The following MAST4 variants were observed in gnomAD, a reference collection of about 807,000 sequenced individuals.
The protein encoded by MAST4 is microtubule associated serine/threonine kinase family member 4.
MAST4 carries 89 observed loss-of-function variants against 162.7 expected under a neutral mutation model. The ratio of observed to expected loss-of-function variants is 0.55; its 90% confidence interval spans 0.46 to 0.65. The LOEUF is 0.65. Ranked by LOEUF, MAST4 falls within the 30% of genes least tolerant of loss-of-function variation. The pLI is 0.00. For synonymous variants in MAST4, 1,479 were observed against 1,361.1 expected, an observed-to-expected ratio of 1.09 and a Z score of -1.91; for missense variants, 3,153 against 3,374.0, an observed-to-expected ratio of 0.93 and a Z score of 1.62.
At chr5:66,861,347 A>G (rs1760104348) in intron 3 of MAST4, among the ~76,000 whole-genome samples, 1 of 152,246 alleles carries the variant, frequency 6.6e-6, no homozygotes, top group Admixed American at 6.5e-5. Context: ...TCTTTGTGCC[A>G]CTAATAACCA....
intron 6 of MAST4, 102 bp downstream of exon 6, chr5:67,090,333 A>ACTTCTCCCCGTCCCCC (rs1763699906): frequency 2.1e-6 from 1 of 465,680 alleles, no homozygotes; most frequent in African/African-American, 6.0e-5. Flanking sequence ...TCCCGTCCCC[A>ACTTCTCCCCGTCCCCC]CTTCTCCCCC....
intron 7 of MAST4, among the ~76,000 whole-genome samples, chr5:67,099,242 G>A (rs1180241997): frequency 6.6e-6 from 1 of 151,852 alleles, no homozygotes; most frequent in Non-Finnish European, 1.5e-5. Flanking sequence ...TTAGTGAGAA[G>A]TGTTTAAGGC....
chr5:67,080,976 TAA>T (rs1491210095), intron 5 of MAST4, among the ~76,000 whole-genome samples: 3 of 134,534 alleles, frequency 2.2e-5, no homozygotes, highest in South Asian at 2.2e-4. Flanking sequence ...ATATATTATA[TAA>T]TATATATAAT....
rs1219980068 is a variant in MAST4, at chr5:67,163,485, C to A, written c.4306C>A (p.Pro1436Thr). The A allele has an allele frequency of 1.2e-5, 19 of 1,613,192 alleles. No individual in the cohort carries two copies. The highest frequency in any genetic ancestry group is 1.6e-5 in the Non-Finnish European group (19 of 1,179,780). ...HIVRPKSAEP[P>T]RSPLLKRVQS... ...CGTGAGGCCCAAGAGTGCGGAGCCC[C>A]CCAGGTCCCCGCTGCTCAAGCGCGT... is the stretch of plus-strand genomic sequence containing the variant. Residue 1436 changes from proline to threonine, a missense_variant, in exon 29 of 29, where the codon CCC (proline) becomes ACC (threonine). Pro to Thr is a conservative substitution (Grantham distance 38, BLOSUM62 -1). Transcript: ENST00000403625. This position sits in a 1 kb window ranked among gnomAD's most constrained non-coding sequence, Gnocchi z 7.0.
intron 5 of MAST4, among the ~76,000 whole-genome samples, chr5:67,059,179 C>T (rs1184889085): frequency 1.3e-5 from 2 of 152,180 alleles, no homozygotes; most frequent in Non-Finnish European, 2.9e-5. Flanking sequence ...CTTTTCAGCT[C>T]CTAGAGGCTG....
intron 4 of MAST4, chr5:67,001,436 A>T (rs1024648382): frequency 6.7e-6 from 1 of 150,104 alleles, no homozygotes; most frequent in African/African-American, 2.5e-5. Context: ...AATCCTCTCA[A>T]GCCTTTTAAA....
chr5:66,758,967 G>A (rs1400128321), intron 1 of MAST4, among the ~76,000 whole-genome samples: 1 of 152,112 alleles, frequency 6.6e-6, no homozygotes, highest in Non-Finnish European at 1.5e-5. Context: ...AGATGGTATG[G>A]CTCTATTAAG....
chr5:66,976,818 C>T (rs186335074), intron 4 of MAST4, among the ~76,000 whole-genome samples: 4 of 152,270 alleles, frequency 2.6e-5, no homozygotes, highest in African/African-American at 9.6e-5. Context: ...TGTGGGCTTC[C>T]TATTTAGCTC....
chr5:66,910,495 T>C (rs1228642012), intron 4 of MAST4, among the ~76,000 whole-genome samples: 2 of 152,136 alleles, frequency 1.3e-5, no homozygotes, highest in Non-Finnish European at 2.9e-5. Context: ...AGGTAGGACT[T>C]CTCTTGTGTC....
intron 4 of MAST4, among the ~76,000 whole-genome samples, chr5:67,049,023 G>GTGTATATATATACACATA (rs1554087405): frequency 2.3e-5 from 2 of 85,662 alleles, no homozygotes; most frequent in Non-Finnish European, 4.7e-5. Context: ...ATATATATAC[G>GTGTATATATATACACATA]TATATATATA....
At chr5:66,697,876 A>T (rs1438055023) in intron 1 of MAST4, among the ~76,000 whole-genome samples, 1 of 152,196 alleles carries the variant, frequency 6.6e-6, no homozygotes, top group South Asian at 2.1e-4. Context: ...AACATTTATG[A>T]GTACAAAGGG....
In MAST4 at chr5:66,703,777, G is replaced by A. The variant is rs76483124; in HGVS notation, c.364-55932G>A. Reference sequence around the variant, plus strand: ...GAAATAGTCATTAAGCTAGTATACAGGAGATCAAATCAGGAGGAAAGAAGT... The same window carrying A: ...GAAATAGTCATTAAGCTAGTATACAAGAGATCAAATCAGGAGGAAAGAAGT... On this transcript the variant is annotated intron_variant, in intron 1 of 28. Coordinates refer to ENST00000403625, the MANE Select transcript of MAST4 (RefSeq NM_001164664.2). Among the ~76,000 whole-genome samples the A allele has an allele frequency of 9.2e-3, 1,400 of 152,218 alleles. 12 individuals are homozygous for A. The highest frequency in any genetic ancestry group is 0.031 in the South Asian group (150 of 4,828).
At position 66,616,937 on chromosome 5, in the gene MAST4, A is replaced by G. The variant is rs530074721; in HGVS notation, c.363+19919A>G. On this transcript the variant is annotated intron_variant, in intron 1 of 28. Transcript: ENST00000403625. ...TGCAGTGCTCAATTATCTGTGTAAT[A>G]ACATACTATAAAAACATAGAAAGCC... Among the ~76,000 whole-genome samples the G allele has an allele frequency of 2.0e-5, 3 of 152,330 alleles. No homozygotes were observed. In the South Asian group the frequency reaches 6.2e-4, roughly 32 times the overall value.
chr5:66,939,649 C>A (rs922701793), intron 4 of MAST4, among the ~76,000 whole-genome samples: 1 of 151,712 alleles, frequency 6.6e-6, no homozygotes, highest in Non-Finnish European at 1.5e-5. Context: ...TTTTCTAGAT[C>A]TATATATAAA....
intron 1 of MAST4, among the ~76,000 whole-genome samples, chr5:66,684,192 T>C (rs914452817): frequency 8.5e-5 from 13 of 152,202 alleles, no homozygotes; most frequent in African/African-American, 3.1e-4. Context: ...TTTTAAAACA[T>C]CTTTCCATCC....
chr5:66,997,500 C>T (rs1198401766), intron 4 of MAST4, among the ~76,000 whole-genome samples: 2 of 148,256 alleles, frequency 1.3e-5, no homozygotes, highest in African/African-American at 2.5e-5. Flanking sequence ...GGCATGATCT[C>T]GGCTCACTGC....
At chr5:66,914,531 C>T (rs181003404) in intron 4 of MAST4, among the ~76,000 whole-genome samples, 12 of 152,134 alleles carry the variant, frequency 7.9e-5, no homozygotes, top group African/African-American at 2.4e-4. Flanking sequence ...GGAGAGCTCA[C>T]GCTTAGCATA....
At chr5:67,030,599 C>A (rs2150429855) in intron 4 of MAST4, among the ~76,000 whole-genome samples, 1 of 152,246 alleles carries the variant, frequency 6.6e-6, no homozygotes, top group East Asian at 1.9e-4. Flanking sequence ...AAAATAAGAT[C>A]TGTTTTGTAT....
chr5:66,893,959 A>G (rs1253727057), intron 3 of MAST4, among the ~76,000 whole-genome samples: 1 of 152,190 alleles, frequency 6.6e-6, no homozygotes, highest in African/African-American at 2.4e-5. Flanking sequence ...AATGGCACCC[A>G]AAGCGTTTCT....
Sources: allele counts gnomAD v4.1 joint callset (sites outside exome capture counted in the v4.1 genomes callset), GRCh38; gene constraint gnomAD v4.1.1; non-coding constraint Gnocchi (gnomAD v3.1); transcripts MANE v1.5; gene names NCBI Gene and HGNC (gene_info 2026-07-23, HGNC 2026-07-21).